Variants in PSD3 observed in about 807,000 individuals in gnomAD.
PSD3 encodes the protein pleckstrin and Sec7 domain containing 3, also known as PH and SEC7 domain-containing protein 3.
In PSD3, 49 loss-of-function variants were observed where a neutral mutation model predicts 105.5. The observed-to-expected ratio is 0.46, with a 90% confidence interval of 0.37 to 0.59. The LOEUF is 0.59. Among genes scored for constraint, PSD3 ranks in the 20% least tolerant of loss-of-function variants. The pLI is 0.00. For synonymous variants in PSD3, 557 were observed against 457.8 expected, an observed-to-expected ratio of 1.22 and a Z score of -2.77; for missense variants, 1,561 against 1,263.8, an observed-to-expected ratio of 1.24 and a Z score of -3.57.
At chr8:18,674,312 T>G (rs905707214) in intron 9 of PSD3, among the ~76,000 whole-genome samples, 2 of 152,230 alleles carry the variant, frequency 1.3e-5, no homozygotes, top group Non-Finnish European at 2.9e-5. Context: ...TTCCCTGCGT[T>G]CTGTGGGGAC....
At chr8:18,951,594 T>C (rs1225931664) in intron 1 of PSD3, among the ~76,000 whole-genome samples, 4 of 152,206 alleles carry the variant, frequency 2.6e-5, no homozygotes, top group African/African-American at 7.2e-5. Flanking sequence ...GATGTTAACA[T>C]TGTTAGTTGC....
intron 4 of PSD3, among the ~76,000 whole-genome samples, chr8:18,821,504 T>G (rs947314836): frequency 6.6e-6 from 1 of 152,112 alleles, no homozygotes; most frequent in Non-Finnish European, 1.5e-5. Context: ...AGACCAGTAT[T>G]TATAATCAAG....
At chr8:18,997,960 T>G (rs2129474040) in intron 1 of PSD3, among the ~76,000 whole-genome samples, 1 of 152,172 alleles carries the variant, frequency 6.6e-6, no homozygotes, top group Non-Finnish European at 1.5e-5. Context: ...ACTGTCTGTC[T>G]TACCTTGTAA....
chr8:19,071,894 G>C (rs1348764412), intron 1 of PSD3, among the ~76,000 whole-genome samples: 1 of 152,006 alleles, frequency 6.6e-6, no homozygotes, highest in African/African-American at 2.4e-5. Flanking sequence ...ATTTTTAGTA[G>C]AGATGGGATT....
intron 9 of PSD3, among the ~76,000 whole-genome samples, chr8:18,752,564 A>T (rs1309692764): frequency 1.3e-5 from 1 of 79,952 alleles, no homozygotes; most frequent in African/African-American, 8.0e-5. Context: ...AATTATATAT[A>T]TTATATATAT....
chr8:18,784,874 G>A (rs569068576), intron 8 of PSD3, among the ~76,000 whole-genome samples: 40 of 152,180 alleles, frequency 2.6e-4, no homozygotes, highest in African/African-American at 9.4e-4. Context: ...CACAGACATG[G>A]CTGATTAAAT....
At chr8:18,868,112 T>C (rs773121060) in intron 3 of PSD3, 43 bp from the exon 4 acceptor site, 2 of 1,530,320 alleles carry the variant, frequency 1.3e-6, no homozygotes, top group Non-Finnish European at 1.8e-6. Context: ...ATTAGGTTAA[T>C]GTCTTTATTT....
intron 1 of PSD3, among the ~76,000 whole-genome samples, chr8:19,077,324 G>A (rs764776056): frequency 2.6e-5 from 4 of 152,156 alleles, no homozygotes; most frequent in Admixed American, 6.5e-5. Flanking sequence ...TTATTGAAAG[G>A]TTAATGCAAA....
intron 2 of PSD3, among the ~76,000 whole-genome samples, chr8:18,876,931 T>C (rs746696627): frequency 5.3e-5 from 8 of 152,228 alleles, no homozygotes; most frequent in Non-Finnish European, 1.2e-4. Context: ...TAATGACTAA[T>C]TATGTTGAGC....
intron 4 of PSD3, among the ~76,000 whole-genome samples, chr8:18,828,938 A>G (rs1813447372): frequency 6.6e-6 from 1 of 152,180 alleles, no homozygotes; most frequent in Non-Finnish European, 1.5e-5. Flanking sequence ...GTCTTTACTA[A>G]AAATGAAAAT....
chr8:18,957,685 CCA>C (rs1491450341), intron 1 of PSD3, among the ~76,000 whole-genome samples: 2 of 152,188 alleles, frequency 1.3e-5, no homozygotes, highest in Non-Finnish European at 2.9e-5. Flanking sequence ...GGGCATTTTG[CCA>C]ACATCCTCTC....
At chr8:18,652,157 T>C (rs901434333) in intron 10 of PSD3, among the ~76,000 whole-genome samples, 1 of 152,096 alleles carries the variant, frequency 6.6e-6, no homozygotes, top group Non-Finnish European at 1.5e-5. Flanking sequence ...CACGACAAGT[T>C]TGGAGACAGA....
chr8:18,617,463 G>A (rs761751092), intron 11 of PSD3, among the ~76,000 whole-genome samples: 2 of 152,154 alleles, frequency 1.3e-5, no homozygotes, highest in South Asian at 2.1e-4. Flanking sequence ...CTTGGGAGGC[G>A]CAGGTAGCAG....
chr8:18,800,678 T>C (rs1299463574), intron 7 of PSD3, among the ~76,000 whole-genome samples: 1 of 152,214 alleles, frequency 6.6e-6, no homozygotes, highest in Non-Finnish European at 1.5e-5. Context: ...GTAAAAATAG[T>C]GTAATATGCA....
At position 18,997,718 on chromosome 8, in the gene PSD3, G is replaced by T. The variant is rs1445723656; in HGVS notation, c.21+15845C>A. Among the ~76,000 whole-genome samples the T allele has an allele frequency of 1.3e-5, 2 of 151,936 alleles. 1 individual carries two copies. Among genetic ancestry groups the T allele is most frequent in the African/African-American group, 4.8e-5 (2 of 41,332 alleles). ...CTGGTGTCCCTGTTCCTGGAAGGCA[G>T]GAAGTATGGCTCTGCCTCAGGGCTC... On this transcript the variant is annotated intron_variant, in intron 1 of 15. Transcript: ENST00000327040.
chr8:18,713,858 T>C (rs1034648909), intron 9 of PSD3, among the ~76,000 whole-genome samples: 2 of 151,972 alleles, frequency 1.3e-5, no homozygotes, highest in African/African-American at 2.4e-5. Context: ...CCTGGAGAAA[T>C]CCCACTACCT....
At chr8:18,587,498 TC>T (rs1347485886) in intron 12 of PSD3, among the ~76,000 whole-genome samples, 1 of 152,184 alleles carries the variant, frequency 6.6e-6, no homozygotes, top group Admixed American at 6.5e-5. Flanking sequence ...AGTTTGCCAC[TC>T]TTTGAATATG....
intron 9 of PSD3, among the ~76,000 whole-genome samples, chr8:18,759,794 T>C (rs186113647): frequency 1.6e-4 from 24 of 152,176 alleles, no homozygotes; most frequent in African/African-American, 3.1e-4. Context: ...CAGGATCTTC[T>C]TGTCATTTAT....
intron 2 of PSD3, among the ~76,000 whole-genome samples, chr8:18,877,589 T>C (rs1011485854): frequency 6.6e-6 from 1 of 151,102 alleles, no homozygotes; most frequent in Non-Finnish European, 1.5e-5. Flanking sequence ...TCGCCCTGGC[T>C]GGAGTACGGT....
Sources: gnomAD v4.1 joint callset for allele counts (sites outside exome capture counted in the v4.1 genomes callset) on GRCh38, gnomAD v4.1.1 for gene constraint, MANE v1.5 for transcripts, NCBI Gene and HGNC (gene_info 2026-07-23, HGNC 2026-07-21) for gene names.